MKX: variants seen among roughly 807,000 people sequenced by gnomAD.
The protein encoded by MKX is homeobox protein Mohawk.
A neutral mutation model predicts 36.0 loss-of-function variants in MKX; 13 were observed. The observed-to-expected ratio is 0.36, with a 90% confidence interval of 0.24 to 0.57. The LOEUF (loss-of-function observed/expected upper bound fraction) is 0.57, where lower values mean the gene tolerates loss of function less well. MKX is among the 20% of genes least tolerant of loss of function. The pLI is 0.79. For missense variants in MKX, 458 were observed against 456.4 expected, an observed-to-expected ratio of 1.00 and a Z score of -0.03; for synonymous variants, 176 against 178.3, an observed-to-expected ratio of 0.99 and a Z score of 0.10.
intron 5 of MKX, among the ~76,000 whole-genome samples, chr10:27,712,302 A>C (rs188347695): frequency 1.3e-5 from 2 of 152,340 alleles, no homozygotes; most frequent in East Asian, 1.9e-4. Context: ...ACAGGTGTGC[A>C]TGAAGAAAAT....
intron 5 of MKX, among the ~76,000 whole-genome samples, chr10:27,721,991 T>A (rs1182998210): frequency 6.6e-6 from 1 of 152,146 alleles, no homozygotes; most frequent in Non-Finnish European, 1.5e-5. Context: ...CTGATCATGA[T>A]CTCATATAAT....
intron 5 of MKX, among the ~76,000 whole-genome samples, chr10:27,720,437 G>A (rs1416758791): frequency 6.6e-6 from 1 of 151,876 alleles, no homozygotes; most frequent in Non-Finnish European, 1.5e-5. Flanking sequence ...ATATTGATAT[G>A]GAATAAAAAC....
Position 27,744,595 on chromosome 10 carries a change from C to A in MKX, c.-82-1098G>T. On this transcript the variant is annotated intron_variant, in intron 1 of 6. Transcript: ENST00000419761. The surrounding 1 kb of genome is among the most constrained non-coding windows in gnomAD (Gnocchi z 5.6). ...CTTCGCCCGCCCCATCTCCTCGCCT[C>A]GCGCCTCGGGACAGCTCCCGTTTCC... 6.6e-6 allele frequency among the ~76,000 whole-genome samples: 1 copy of A among 152,152 alleles called. No homozygotes were observed. Among genetic ancestry groups the A allele is most frequent in the Non-Finnish European group, 1.5e-5 (1 of 68,010 alleles).
chr10:27,702,285 C>T (rs1213653076), intron 5 of MKX, among the ~76,000 whole-genome samples: 4 of 152,090 alleles, frequency 2.6e-5, no homozygotes, highest in African/African-American at 9.7e-5. Flanking sequence ...TGTCTAAATA[C>T]GAAGGTTAGT....
chr10:27,700,959 T>C (rs572751100), intron 5 of MKX, among the ~76,000 whole-genome samples: 87 of 152,330 alleles, frequency 5.7e-4, no homozygotes, highest in Non-Finnish European at 1.1e-3. Flanking sequence ...GGGTACATAG[T>C]AGGTGTATAT....
At chr10:27,745,100 C>G (rs960066645) in intron 1 of MKX, among the ~76,000 whole-genome samples, 1 of 151,822 alleles carries the variant, frequency 6.6e-6, no homozygotes, top group African/African-American at 2.4e-5. Context: ...TTTATTTGTA[C>G]AAGACACCCT....
At chr10:27,707,402 CA>C (rs1276945070) in intron 5 of MKX, among the ~76,000 whole-genome samples, 2 of 152,040 alleles carry the variant, frequency 1.3e-5, no homozygotes, top group Non-Finnish European at 2.9e-5. Context: ...GGGTCCTGGG[CA>C]CCATGCTACT....
At chr10:27,739,594 T>TA (rs1402519583) in intron 3 of MKX, among the ~76,000 whole-genome samples, 2 of 152,146 alleles carry the variant, frequency 1.3e-5, no homozygotes, top group African/African-American at 4.8e-5. Context: ...AATTTAAAAT[T>TA]ATAACTACTT....
intron 5 of MKX, among the ~76,000 whole-genome samples, chr10:27,681,067 G>A (rs1275617684): frequency 6.6e-6 from 1 of 152,168 alleles, no homozygotes; most frequent in Non-Finnish European, 1.5e-5. Context: ...GATTATAATG[G>A]AGCTGAAAAA....
chr10:27,719,452 C>T (rs1053059931), intron 5 of MKX, among the ~76,000 whole-genome samples: 1 of 152,068 alleles, frequency 6.6e-6, no homozygotes, highest in African/African-American at 2.4e-5. Flanking sequence ...CTTTCTGGGT[C>T]ATCTAACCGC....
At chr10:27,728,155 A>C (rs1414392697) in intron 5 of MKX, among the ~76,000 whole-genome samples, 1 of 152,252 alleles carries the variant, frequency 6.6e-6, no homozygotes, top group Non-Finnish European at 1.5e-5. Flanking sequence ...AAAAAGGCAA[A>C]GCTTAATTCT....
rs199853103 is a variant in MKX at position 27,743,404 on chromosome 10, G to C, written c.12C>G (p.Ile4Met). MNT[I>M]VFNKLSGAVL... is the part of the protein sequence containing the mutation. ...CCGCACCGCTGAGCTTGTTGAAGAC[G>C]ATGGTGTTCATGGTGTCGGTTGGTA... The change falls in exon 2 of 7, where the codon ATC becomes ATG. Residue 4 changes from isoleucine (I) to methionine (M), a missense_variant. Ile to Met is a conservative substitution (Grantham distance 10). Around this residue, in one of 3 missense-constraint regions of MKX, gnomAD observed 149 missense variants for 114.3 expected, o/e 1.30. Coordinates refer to ENST00000419761, the MANE Select transcript of MKX (RefSeq NM_173576.3). 1.9e-6 allele frequency: 3 copies of C among 1,561,410 alleles called. No individual in the cohort carries two copies. Among genetic ancestry groups the C allele is most frequent in the Non-Finnish European group, 2.6e-6 (3 of 1,156,312 alleles).
chr10:27,675,713 CA>C (rs1480669640), intron 5 of MKX, among the ~76,000 whole-genome samples, 159 bp from the exon 6 acceptor site: 1 of 151,276 alleles, frequency 6.6e-6, no homozygotes, highest in East Asian at 1.9e-4. Flanking sequence ...TATTAAGATG[CA>C]AAAAAAATTG....
chr10:27,711,499 TTTCCTTCCTTCCTTCCTTCCTTCC>T (rs58561142), intron 5 of MKX, among the ~76,000 whole-genome samples: 1 of 93,032 alleles, frequency 1.1e-5, no homozygotes, highest in Non-Finnish European at 2.0e-5. Flanking sequence ...CTCTCTCTTC[TTTCCTTCCTTCCTTCCTTCCTTCC>T]TTCCTTCCTT....
chr10:27,696,274 TAA>T (rs1836552693), intron 5 of MKX, among the ~76,000 whole-genome samples: 1 of 152,190 alleles, frequency 6.6e-6, no homozygotes, highest in Non-Finnish European at 1.5e-5. Context: ...GAAATAGATA[TAA>T]GAGTAGCAAA....
intron 5 of MKX, among the ~76,000 whole-genome samples, chr10:27,678,683 T>G (rs1315280370): frequency 6.6e-6 from 1 of 152,152 alleles, no homozygotes; most frequent in Non-Finnish European, 1.5e-5. Context: ...AAGGAGAAGA[T>G]GTAATTCACG....
In MKX at chr10:27,742,768, G is replaced by A. The variant is rs1315820173; in HGVS notation, c.188+460C>T. 6.6e-6 allele frequency among the ~76,000 whole-genome samples: 1 copy of A among 152,100 alleles called. No homozygotes were observed. The highest frequency in any genetic ancestry group is 1.9e-4 in the East Asian group (1 of 5,132). On this transcript the variant is annotated intron_variant, in intron 2 of 6. Coordinates refer to ENST00000419761, the MANE Select transcript of MKX (RefSeq NM_173576.3). This position sits in a 1 kb window ranked among gnomAD's most constrained non-coding sequence, Gnocchi z 4.2. The stretch of plus-strand genomic sequence containing the variant: ...GCGACCTTCCCGACTCCTTGGGCCA[G>A]GCGAGCCGCGGGGCTCTGGCGAGGG...
chr10:27,689,793 CA>C (rs368074924), intron 5 of MKX, among the ~76,000 whole-genome samples: 33 of 151,740 alleles, frequency 2.2e-4, no homozygotes, highest in African/African-American at 7.2e-4. Flanking sequence ...AGGTAGCCTC[CA>C]AAAAAAGGAA....
intron 5 of MKX, among the ~76,000 whole-genome samples, chr10:27,707,164 A>G (rs1279893123): frequency 6.7e-6 from 1 of 149,498 alleles, no homozygotes; most frequent in Non-Finnish European, 1.5e-5. Context: ...GGAAAGCAAA[A>G]AGATGTGCCC....
Sources: allele counts gnomAD v4.1 joint callset (sites outside exome capture counted in the v4.1 genomes callset), GRCh38; gene constraint gnomAD v4.1.1; regional missense constraint gnomAD v4.1.1; non-coding constraint Gnocchi (gnomAD v3.1); transcripts MANE v1.5; gene names NCBI Gene and HGNC (gene_info 2026-07-23, HGNC 2026-07-21).